ITGBL1: variants seen among roughly 807,000 people sequenced by gnomAD.
ITGBL1 encodes the protein integrin beta-like protein 1.
A neutral mutation model predicts 68.5 loss-of-function variants in ITGBL1; 51 were observed. The observed-to-expected ratio is 0.74, with a 90% CI of 0.59 to 0.94. ITGBL1 has a LOEUF of 0.94. Ranked by LOEUF, ITGBL1 falls within the 40% of genes least tolerant of loss-of-function variation. The probability of loss-of-function intolerance (pLI) is 0.00; values close to 1 mark genes in which losing one functional copy is unlikely to be tolerated. For synonymous variants in ITGBL1, 209 were observed against 227.3 expected (o/e 0.92, Z 0.72); for missense variants, 649 against 647.4 (o/e 1.00, Z -0.03).
intron 7 of ITGBL1, among the ~76,000 whole-genome samples, chr13:101,618,581 T>C (rs2031458389): frequency 6.6e-6 from 1 of 152,128 alleles, no homozygotes; most frequent in Admixed American, 6.6e-5. Flanking sequence ...GGAAGAATGG[T>C]AAAGGGACTT....
chr13:101,610,296 T>C (rs1357743305), intron 7 of ITGBL1, among the ~76,000 whole-genome samples: 1 of 152,150 alleles, frequency 6.6e-6, no homozygotes, highest in East Asian at 1.9e-4. Flanking sequence ...CCTCAACAGA[T>C]GTTCTTTCTA....
intron 2 of ITGBL1, among the ~76,000 whole-genome samples, chr13:101,454,664 A>G (rs1572329): frequency 0.18 from 27,412 of 152,172 alleles, 2,852 homozygotes; most frequent in East Asian, 0.38. Flanking sequence ...TTACATAGGA[A>G]ACAGTGGGAG....
chr13:101,537,045 C>T (rs1400515665), intron 2 of ITGBL1, among the ~76,000 whole-genome samples: 1 of 105,102 alleles, frequency 9.5e-6, no homozygotes, highest in African/African-American at 3.8e-5. Context: ...GTTCTAGCAC[C>T]CAGTGTTTCT....
chr13:101,476,999 C>T (rs1594833293), intron 2 of ITGBL1, among the ~76,000 whole-genome samples: 1 of 152,058 alleles, frequency 6.6e-6, no homozygotes, highest in East Asian at 1.9e-4. Flanking sequence ...CCAATTGAAC[C>T]TGATAGGTAT....
At chr13:101,706,735 T>C in intron 8 of ITGBL1, 21 bp from the exon 9 acceptor site, 1 of 1,610,774 alleles carries the variant, frequency 6.2e-7, no homozygotes, top group Non-Finnish European at 8.5e-7. Context: ...CTCTCACTCC[T>C]TTCCTGTGGT....
chr13:101,697,379 T>C (rs542354215), intron 8 of ITGBL1, among the ~76,000 whole-genome samples: 1 of 152,292 alleles, frequency 6.6e-6, no homozygotes, highest in Non-Finnish European at 1.5e-5. Flanking sequence ...AAATATAAAT[T>C]CATAAATCTT....
chr13:101,559,491 C>T (rs1344143192), intron 2 of ITGBL1, among the ~76,000 whole-genome samples: 11 of 152,140 alleles, frequency 7.2e-5, no homozygotes. Context: ...AGTTCTTTCA[C>T]CAAGGATTGT....
intron 7 of ITGBL1, among the ~76,000 whole-genome samples, chr13:101,672,661 T>A (rs1355082800): frequency 6.6e-6 from 1 of 152,210 alleles, no homozygotes; most frequent in East Asian, 1.9e-4. Flanking sequence ...CTTCTCAAGC[T>A]TGCCTGTAGA....
intron 2 of ITGBL1, among the ~76,000 whole-genome samples, chr13:101,533,626 A>G (rs1211014601): frequency 6.6e-6 from 1 of 152,220 alleles, no homozygotes; most frequent in Non-Finnish European, 1.5e-5. Flanking sequence ...TGTAAATCCA[A>G]ACACTAAGTT....
intron 2 of ITGBL1, among the ~76,000 whole-genome samples, chr13:101,517,474 C>A (rs1329896085): frequency 6.6e-6 from 1 of 152,158 alleles, no homozygotes; most frequent in African/African-American, 2.4e-5. Context: ...ACCAATTAAT[C>A]AGAATGACTG....
intron 2 of ITGBL1, among the ~76,000 whole-genome samples, chr13:101,518,911 C>A (rs1282448060): frequency 6.6e-6 from 1 of 152,114 alleles, no homozygotes; most frequent in African/African-American, 2.4e-5. Flanking sequence ...AATTACTCAG[C>A]TAGTTACCAC....
At chr13:101,526,659 A>ATGTGTG (rs35919129) in intron 2 of ITGBL1, among the ~76,000 whole-genome samples, 26,745 of 149,266 alleles carry the variant, frequency 0.18, 2,643 homozygotes, top group East Asian at 0.43. Flanking sequence ...TTGAAGTTAT[A>ATGTGTG]TGTGTGTGTG....
intron 7 of ITGBL1, among the ~76,000 whole-genome samples, chr13:101,643,598 G>A (rs1380911665): frequency 6.6e-6 from 1 of 152,184 alleles, no homozygotes; most frequent in Non-Finnish European, 1.5e-5. Flanking sequence ...AACACAGTTT[G>A]TGGAAAATAA....
intron 2 of ITGBL1, among the ~76,000 whole-genome samples, chr13:101,467,025 T>C (rs2048391029): frequency 1.3e-5 from 2 of 152,124 alleles, no homozygotes; most frequent in South Asian, 2.1e-4. Flanking sequence ...ATTTTCAGCT[T>C]CCTGGATGGC....
chr13:101,521,303 C>T (rs2049280302), intron 2 of ITGBL1, among the ~76,000 whole-genome samples: 1 of 152,144 alleles, frequency 6.6e-6, no homozygotes, highest in South Asian at 2.1e-4. Context: ...TGCTTACATG[C>T]ATCTTTCATT....
At chr13:101,576,397 G>A (rs1252381344) in intron 4 of ITGBL1, among the ~76,000 whole-genome samples, 1 of 152,126 alleles carries the variant, frequency 6.6e-6, no homozygotes, top group African/African-American at 2.4e-5. Context: ...GCAAGCCTGT[G>A]CCCAGAGTTC....
chr13:101,587,237 A>G (rs2050572563), intron 6 of ITGBL1, among the ~76,000 whole-genome samples: 1 of 152,216 alleles, frequency 6.6e-6, no homozygotes. Flanking sequence ...TCATGAATAT[A>G]GGGAACACAA....
At chr13:101,546,215 T>A (rs552087070) in intron 2 of ITGBL1, among the ~76,000 whole-genome samples, 1 of 152,256 alleles carries the variant, frequency 6.6e-6, no homozygotes, top group Non-Finnish European at 1.5e-5. Context: ...AAATAAATCA[T>A]AAACATAAAA....
intron 7 of ITGBL1, among the ~76,000 whole-genome samples, chr13:101,615,247 G>A (rs1008526628): frequency 6.6e-6 from 1 of 151,790 alleles, no homozygotes; most frequent in African/African-American, 2.4e-5. Context: ...AATAGTCTTC[G>A]GACTTAGGGC....
Sources: allele counts gnomAD v4.1 joint callset (sites outside exome capture counted in the v4.1 genomes callset), GRCh38; gene constraint gnomAD v4.1.1; transcripts MANE v1.5; gene names NCBI Gene and HGNC (gene_info 2026-07-23, HGNC 2026-07-21).